Variants in CDK19 observed in about 807,000 individuals in gnomAD.
CDK19 encodes cyclin-dependent kinase 19.
In CDK19, 20 loss-of-function variants were observed where a neutral mutation model predicts 68.3. The observed-to-expected ratio is 0.29, with a 90% CI of 0.21 to 0.43. The LOEUF (loss-of-function observed/expected upper bound fraction) is 0.43, where lower values mean the gene tolerates loss of function less well. CDK19 is among the 20% of genes least tolerant of loss of function. CDK19 has a pLI of 1.00. For synonymous variants in CDK19, 221 were observed against 222.8 expected (o/e 0.99, Z 0.07); for missense variants, 339 against 623.5 (o/e 0.54, Z 4.86).
At chr6:110,706,193 C>T (rs1228142798) in intron 2 of CDK19, among the ~76,000 whole-genome samples, 2 of 151,404 alleles carry the variant, frequency 1.3e-5, no homozygotes, top group African/African-American at 4.9e-5. Context: ...GCTGGGATTA[C>T]AGGCGCCCAC....
chr6:110,634,051 C>T (rs535175728), intron 5 of CDK19, among the ~76,000 whole-genome samples: 36 of 152,078 alleles, frequency 2.4e-4, no homozygotes, highest in Middle Eastern at 6.8e-3. Context: ...TATAAGGGGC[C>T]CCAATGTACT....
intron 11 of CDK19, 72 bp downstream of exon 11, chr6:110,622,016 T>G (rs1456953855): frequency 2.5e-6 from 2 of 789,582 alleles, no homozygotes; most frequent in Admixed American, 4.9e-5. Context: ...ATAGGAATTA[T>G]GGAACGATAC....
upstream of CDK19, chr6:110,815,552 A>C: frequency 6.4e-6 from 1 of 156,666 alleles, no homozygotes; most frequent in Non-Finnish European, 1.4e-5. Context: ...CGGCGTAAGA[A>C]ATACAGCTCC....
At chr6:110,804,830 T>C (rs1782569999) in intron 1 of CDK19, among the ~76,000 whole-genome samples, 1 of 151,322 alleles carries the variant, frequency 6.6e-6, no homozygotes, top group Non-Finnish European at 1.5e-5. Flanking sequence ...GTGGCGAGCG[T>C]CTGTAGTCCC....
chr6:110,789,337 G>A (rs1288360480), intron 1 of CDK19, among the ~76,000 whole-genome samples: 2 of 151,868 alleles, frequency 1.3e-5, no homozygotes, highest in South Asian at 2.1e-4. Flanking sequence ...GGAGTGCAGT[G>A]GCACAATCTT....
At chr6:110,710,099 C>A (rs1485230754) in intron 2 of CDK19, among the ~76,000 whole-genome samples, 9 of 152,114 alleles carry the variant, frequency 5.9e-5, no homozygotes, top group Non-Finnish European at 1.0e-4. Flanking sequence ...CATAACAATG[C>A]AAAGTACTAA....
At chr6:110,716,808 T>C (rs572306185) in intron 2 of CDK19, among the ~76,000 whole-genome samples, 1 of 152,312 alleles carries the variant, frequency 6.6e-6, no homozygotes, top group South Asian at 2.1e-4. Context: ...ATTGGTCCAG[T>C]GATCCAGTGG....
chr6:110,814,598 T>G (rs1204584609), intron 1 of CDK19: 1 of 461,534 alleles, frequency 2.2e-6, no homozygotes, highest in Admixed American at 2.3e-5. Context: ...CTCAGCCGAT[T>G]GGAAGTTCCA....
intron 2 of CDK19, among the ~76,000 whole-genome samples, chr6:110,677,129 C>G (rs1771597415): frequency 1.3e-5 from 2 of 152,302 alleles, no homozygotes; most frequent in African/African-American, 4.8e-5. Flanking sequence ...GTTACTTCTT[C>G]TAATTCACCT....
intron 1 of CDK19, among the ~76,000 whole-genome samples, chr6:110,759,784 C>T (rs796598413): frequency 6.6e-6 from 1 of 151,788 alleles, no homozygotes; most frequent in Non-Finnish European, 1.5e-5. Context: ...CCTGAATTCA[C>T]CTGTATGAAA....
chr6:110,760,194 G>T (rs193176093), intron 1 of CDK19, among the ~76,000 whole-genome samples: 2 of 151,788 alleles, frequency 1.3e-5, no homozygotes, highest in Non-Finnish European at 2.9e-5. Flanking sequence ...CCAGAAATTC[G>T]AGACTAGCCT....
intron 2 of CDK19, among the ~76,000 whole-genome samples, chr6:110,739,326 A>G (rs1582992897): frequency 6.6e-6 from 1 of 152,122 alleles, no homozygotes; most frequent in African/African-American, 2.4e-5. Context: ...ACACAGGGAG[A>G]AGACAGCCGT....
intron 1 of CDK19, among the ~76,000 whole-genome samples, chr6:110,812,551 T>C (rs1239845250): frequency 6.6e-6 from 1 of 152,232 alleles, no homozygotes; most frequent in Non-Finnish European, 1.5e-5. Context: ...TTGCTAACTG[T>C]AGTATTAAAC....
intron 6 of CDK19, among the ~76,000 whole-genome samples, chr6:110,628,419 T>C (rs1012475307): frequency 1.7e-4 from 26 of 152,226 alleles, no homozygotes; most frequent in African/African-American, 6.0e-4. Flanking sequence ...AATTCCAGAA[T>C]AAACAATTTA....
At position 110,815,418 on chromosome 6, in the gene CDK19, G is replaced by A; in HGVS notation, c.-282C>T. 3.4e-6 allele frequency: 1 copy of A among 293,082 alleles called. No individual in the cohort carries two copies. The highest frequency in any genetic ancestry group is 6.3e-6 in the Non-Finnish European group (1 of 159,840). 18.2% of individuals were successfully genotyped at this position (293,082 alleles called of 1,614,324 possible). ...CCTCCCTCCTTCATTTCCTTGTTTT[G>A]GAACCTGGTGGGCCGCGCCGTGGCT... is the stretch of plus-strand genomic sequence containing the variant. On this transcript the variant is annotated 5_prime_UTR_variant, in exon 1 of 13. Coordinates refer to ENST00000368911, the MANE Select transcript of CDK19 (RefSeq NM_015076.5).
chr6:110,803,906 C>A (rs900600579), intron 1 of CDK19, among the ~76,000 whole-genome samples: 6 of 152,090 alleles, frequency 3.9e-5, no homozygotes, highest in African/African-American at 1.2e-4. Flanking sequence ...GAAGTCCAGG[C>A]TACAGCGAGC....
chr6:110,767,037 G>A (rs2114976795), intron 1 of CDK19, among the ~76,000 whole-genome samples: 1 of 152,140 alleles, frequency 6.6e-6, no homozygotes, highest in Admixed American at 6.6e-5. Context: ...GGGAGGCTGA[G>A]ACAAGAGAAT....
intron 1 of CDK19, among the ~76,000 whole-genome samples, chr6:110,804,960 C>CAAAAA (rs927512258): frequency 7.1e-6 from 1 of 140,346 alleles, no homozygotes; most frequent in Non-Finnish European, 1.6e-5. Flanking sequence ...CGTCTCAAAA[C>CAAAAA]AAAAAAAAAA....
intron 1 of CDK19, among the ~76,000 whole-genome samples, chr6:110,766,718 T>C (rs938573448): frequency 3.3e-5 from 5 of 152,012 alleles, no homozygotes; most frequent in Admixed American, 6.6e-5. Flanking sequence ...AAGTTGATCC[T>C]ACCTAGTGCA....
Sources: allele counts gnomAD v4.1 joint callset (sites outside exome capture counted in the v4.1 genomes callset), GRCh38; gene constraint gnomAD v4.1.1; transcripts MANE v1.5; gene names NCBI Gene and HGNC (gene_info 2026-07-23, HGNC 2026-07-21).